The following CTTNBP2 variants were observed in gnomAD, a reference collection of about 807,000 sequenced individuals.
CTTNBP2 encodes the protein cortactin-binding protein 2.
Under a neutral mutation model 156.9 loss-of-function variants are expected in CTTNBP2, and 108 were observed. The observed-to-expected ratio is 0.69, with a 90% CI of 0.59 to 0.81. The LOEUF is 0.81. Ranked by LOEUF, CTTNBP2 falls within the 30% of genes least tolerant of loss-of-function variation. The probability of loss-of-function intolerance (pLI) is 0.00; values close to 1 mark genes in which losing one functional copy is unlikely to be tolerated. For synonymous variants in CTTNBP2, 767 were observed against 751.8 expected (o/e 1.02, Z -0.33); for missense variants, 1,924 against 2,035.4 (o/e 0.95, Z 1.05).
chr7:117,863,632 C>T (rs560017780), intron 1 of CTTNBP2, among the ~76,000 whole-genome samples: 2 of 152,358 alleles, frequency 1.3e-5, no homozygotes, highest in South Asian at 4.1e-4. Context: ...ACTTCTGTAA[C>T]TCATGCCATC....
At chr7:117,864,631 A>AAT (rs1190242485) in intron 1 of CTTNBP2, among the ~76,000 whole-genome samples, 2 of 148,572 alleles carry the variant, frequency 1.3e-5, no homozygotes, top group African/African-American at 4.9e-5. Context: ...TTTTTGTTAG[A>AAT]ATATATATAT....
chr7:117,747,498 C>T (rs1303626308), intron 12 of CTTNBP2, among the ~76,000 whole-genome samples: 2 of 152,198 alleles, frequency 1.3e-5, no homozygotes, highest in Non-Finnish European at 2.9e-5. Context: ...TTGGGCCGCA[C>T]GTGGTGGCTC....
At chr7:117,830,464 C>T (rs2117073128) in intron 2 of CTTNBP2, among the ~76,000 whole-genome samples, 1 of 152,318 alleles carries the variant, frequency 6.6e-6, no homozygotes, top group East Asian at 1.9e-4. Flanking sequence ...AATGAGTGAA[C>T]AGCCAGAGAC....
At chr7:117,778,550 T>C (rs1798233966) in intron 7 of CTTNBP2, among the ~76,000 whole-genome samples, 1 of 152,156 alleles carries the variant, frequency 6.6e-6, no homozygotes, top group African/African-American at 2.4e-5. Context: ...GGGAACTTTA[T>C]AGAACTGTAA....
chr7:117,776,439 T>G (rs766429363), intron 8 of CTTNBP2, among the ~76,000 whole-genome samples: 1 of 152,180 alleles, frequency 6.6e-6, no homozygotes, highest in African/African-American at 2.4e-5. Flanking sequence ...CCAAACTCCT[T>G]GCTATGTCAT....
chr7:117,773,698 CACACACA>C lies in CTTNBP2; in HGVS notation c.2778+3806_2778+3812del, dbSNP rs1562992490. The stretch of plus-strand genomic sequence containing the variant: ...ACACACACACACACACACACACACA[CACACACA>C]CACCCCAAAAAACAAAAAGCAGAAA... On this transcript the variant is annotated intron_variant, in intron 8 of 22. Transcript: ENST00000160373. Among the ~76,000 whole-genome samples, 521 of 129,960 alleles carry C rather than the reference CACACACA, an allele frequency of 4.0e-3. 4 individuals carry two copies. Among genetic ancestry groups the C allele is most frequent in the African/African-American group, 0.015 (478 of 30,894 alleles). 85.3% of individuals were successfully genotyped at this position (129,960 alleles called of 152,430 possible). A position where few individuals can be genotyped will look rare whatever the true frequency, so the allele number is the denominator to read the frequency against.
intron 3 of CTTNBP2, among the ~76,000 whole-genome samples, chr7:117,803,488 T>C (rs956089040): frequency 6.6e-6 from 1 of 152,130 alleles, no homozygotes; most frequent in East Asian, 1.9e-4. Flanking sequence ...CATCATACGA[T>C]ATGCCAATGT....
intron 16 of CTTNBP2, among the ~76,000 whole-genome samples, chr7:117,730,643 T>C (rs1721912581): frequency 6.6e-6 from 1 of 152,218 alleles, no homozygotes; most frequent in African/African-American, 2.4e-5. Flanking sequence ...CAGACGCTTG[T>C]ACACAGTGAC....
intron 2 of CTTNBP2, among the ~76,000 whole-genome samples, chr7:117,811,379 C>T (rs193279170): frequency 9.9e-5 from 15 of 152,208 alleles, no homozygotes; most frequent in Admixed American, 2.6e-4. Flanking sequence ...CAGCTCACTG[C>T]AGTCTCAACC....
At chr7:117,799,347 G>A (rs977181135) in intron 3 of CTTNBP2, among the ~76,000 whole-genome samples, 11 of 151,600 alleles carry the variant, frequency 7.3e-5, no homozygotes, top group African/African-American at 2.2e-4. Flanking sequence ...GGTCTAAGTT[G>A]GTTTAATATT....
At chr7:117,854,793 T>C (rs1278616627) in intron 2 of CTTNBP2, among the ~76,000 whole-genome samples, 2 of 152,182 alleles carry the variant, frequency 1.3e-5, no homozygotes, top group East Asian at 3.8e-4. Flanking sequence ...AATTTATTTA[T>C]TTATTTTTTG....
chr7:117,767,081 G>T lies in CTTNBP2; in HGVS notation c.2874C>A (p.Cys958Ter). ...CACTCAGATTCTCCAGCAAATGCTTGCAGTCATCAGTGGCAACATCATGCA... is the reference window on the plus strand; with the variant it reads ...CACTCAGATTCTCCAGCAAATGCTTTCAGTCATCAGTGGCAACATCATGCA... ...RTVHDVATDDCKHLLENLNAL... is the reference protein window; with the variant it reads ...RTVHDVATDD The change falls in exon 9 of 23, where the codon TGC becomes TGA. Residue 958 changes from cysteine to a stop codon, truncating the protein, a stop_gained. Coordinates refer to ENST00000160373, the MANE Select transcript of CTTNBP2 (RefSeq NM_033427.3). LOFTEE classifies it high-confidence loss of function. 1 of 1,597,516 alleles carries T rather than the reference G, an allele frequency of 6.3e-7. No individual in the cohort carries two copies. The highest frequency in any genetic ancestry group is 8.6e-7 in the Non-Finnish European group (1 of 1,164,770).
At chr7:117,712,868 A>C (rs1440969430) in intron 22 of CTTNBP2, among the ~76,000 whole-genome samples, 2 of 152,088 alleles carry the variant, frequency 1.3e-5, no homozygotes, top group Non-Finnish European at 1.5e-5. Flanking sequence ...TTAACTCCTC[A>C]CTATCCTTTT....
chr7:117,772,749 C>T (rs941128976), intron 8 of CTTNBP2, among the ~76,000 whole-genome samples: 3 of 152,066 alleles, frequency 2.0e-5, no homozygotes, highest in Non-Finnish European at 1.5e-5. Context: ...TTATATTCTG[C>T]GGATCAACAA....
At chr7:117,737,582 T>C (rs1795774748) in intron 14 of CTTNBP2, among the ~76,000 whole-genome samples, 1 of 152,150 alleles carries the variant, frequency 6.6e-6, no homozygotes, top group African/African-American at 2.4e-5. Context: ...AGCATTTTAT[T>C]TATTTTTTGG....
chr7:117,780,633 G>T lies in CTTNBP2; in HGVS notation c.2373-42C>A, dbSNP rs201626153. 7.8e-4 allele frequency: 1,035 copies of T among 1,335,034 alleles called. 12 individuals are homozygous for T. The highest frequency in any genetic ancestry group is 3.1e-4 in the Non-Finnish European group (306 of 984,702). 82.7% of individuals were successfully genotyped at this position (1,335,034 alleles called of 1,614,324 possible). A position where few individuals can be genotyped will look rare whatever the true frequency, so the allele number is the denominator to read the frequency against. ...GATTAATTACATAAAACCTGGGTTTGACCTTTGAAGCACCACCTAACCAAG... is the reference window on the plus strand; with the variant it reads ...GATTAATTACATAAAACCTGGGTTTTACCTTTGAAGCACCACCTAACCAAG... On this transcript the variant is annotated intron_variant, in intron 6 of 22. Transcript: ENST00000160373.
chr7:117,858,119 C>G (rs959860438), intron 2 of CTTNBP2, among the ~76,000 whole-genome samples: 1 of 152,204 alleles, frequency 6.6e-6, no homozygotes, highest in Non-Finnish European at 1.5e-5. Context: ...GCCTGTAATC[C>G]CAGCACTTTG....
intron 17 of CTTNBP2, among the ~76,000 whole-genome samples, chr7:117,727,744 C>T (rs545223952): frequency 1.0e-3 from 152 of 152,310 alleles, no homozygotes; most frequent in Non-Finnish European, 1.8e-3. Flanking sequence ...GAAAGCTTTT[C>T]AATTCATTAA....
intron 2 of CTTNBP2, among the ~76,000 whole-genome samples, chr7:117,813,965 G>A (rs1800430921): frequency 6.6e-6 from 1 of 152,138 alleles, no homozygotes; most frequent in Non-Finnish European, 1.5e-5. Context: ...TTTGGTATCT[G>A]ATATTTATTA....
Sources: gnomAD v4.1 joint callset for allele counts (sites outside exome capture counted in the v4.1 genomes callset) on GRCh38, gnomAD v4.1.1 for gene constraint, MANE v1.5 for transcripts, NCBI Gene and HGNC (gene_info 2026-07-23, HGNC 2026-07-21) for gene names.